The following CTNNA2 variants were observed in gnomAD, a reference collection of about 807,000 sequenced individuals.
The protein encoded by CTNNA2 is catenin alpha 2.
In CTNNA2, 42 loss-of-function variants were observed where a neutral mutation model predicts 101.0. The ratio of observed to expected loss-of-function variants is 0.42; its 90% CI spans 0.32 to 0.54. The LOEUF is 0.54. Ranked by LOEUF, CTNNA2 falls within the 20% of genes least tolerant of loss-of-function variation. The probability of loss-of-function intolerance (pLI) is 0.14; values close to 1 mark genes in which losing one functional copy is unlikely to be tolerated. For synonymous variants in CTNNA2, 450 were observed against 456.4 expected (o/e 0.99, Z 0.18); for missense variants, 871 against 1,223.1 (o/e 0.71, Z 4.29).
chr2:79,507,864 G>T (rs1671447920), intron 5 of CTNNA2, among the ~76,000 whole-genome samples: 1 of 152,098 alleles, frequency 6.6e-6, no homozygotes, highest in Admixed American at 6.5e-5. Context: ...GCACATTATT[G>T]TTTTCTGTGT....
intron 9 of CTNNA2, among the ~76,000 whole-genome samples, chr2:80,433,959 A>G (rs1681786079): frequency 6.6e-6 from 1 of 152,232 alleles, no homozygotes; most frequent in South Asian, 2.1e-4. Flanking sequence ...AGATGAAAAC[A>G]ATTCAACCTT....
chr2:79,533,194 A>G (rs1307847714), intron 1 of CTNNA2, among the ~76,000 whole-genome samples: 2 of 151,544 alleles, frequency 1.3e-5, no homozygotes, highest in Non-Finnish European at 2.9e-5. Context: ...TTTTTGTTAC[A>G]CCTTTTCTTA....
chr2:79,413,314 T>G (rs1425513941), intron 4 of CTNNA2, among the ~76,000 whole-genome samples: 1 of 152,050 alleles, frequency 6.6e-6, no homozygotes, highest in East Asian at 1.9e-4. Context: ...AGTATTTATC[T>G]TTTTGTGCCT....
intron 4 of CTNNA2, among the ~76,000 whole-genome samples, chr2:79,418,566 T>C (rs1051804204): frequency 5.9e-5 from 9 of 152,114 alleles, no homozygotes; most frequent in Admixed American, 1.3e-4. Context: ...ATGGTGTGAG[T>C]ATAAGCCCCA....
intron 1 of CTNNA2, among the ~76,000 whole-genome samples, chr2:79,533,539 C>A (rs1189091868): frequency 6.6e-6 from 1 of 151,998 alleles, no homozygotes; most frequent in African/African-American, 2.4e-5. Flanking sequence ...ATTTTATCAA[C>A]TAACTAGAGT....
At chr2:79,817,567 G>A (rs1008970386) in intron 3 of CTNNA2, among the ~76,000 whole-genome samples, 1 of 151,954 alleles carries the variant, frequency 6.6e-6, no homozygotes, top group Non-Finnish European at 1.5e-5. Flanking sequence ...CTCTGTCTGT[G>A]TTGGGTTTTC....
chr2:80,433,890 A>G (rs757504664), intron 9 of CTNNA2, among the ~76,000 whole-genome samples: 12 of 152,202 alleles, frequency 7.9e-5, no homozygotes, highest in African/African-American at 2.2e-4. Flanking sequence ...CTGATGTCCA[A>G]TGAATTCTCT....
intron 7 of CTNNA2, among the ~76,000 whole-genome samples, chr2:80,179,518 C>T (rs534171898): frequency 6.6e-6 from 1 of 152,224 alleles, no homozygotes; most frequent in African/African-American, 2.4e-5. Context: ...GGACTACAGG[C>T]ACCCGCCACC....
At chr2:79,307,434 T>C (rs1372854526) in intron 2 of CTNNA2, among the ~76,000 whole-genome samples, 1 of 152,192 alleles carries the variant, frequency 6.6e-6, no homozygotes, top group Non-Finnish European at 1.5e-5. Flanking sequence ...TTCTATGAGA[T>C]CAACTTTTTT....
At chr2:80,595,757 G>T (rs549220337) in intron 15 of CTNNA2, among the ~76,000 whole-genome samples, 2 of 152,208 alleles carry the variant, frequency 1.3e-5, no homozygotes, top group Admixed American at 1.3e-4. Flanking sequence ...TGCTGTTTTG[G>T]TTACTGTAGC....
At chr2:80,425,254 C>T (rs1053459665) in intron 9 of CTNNA2, among the ~76,000 whole-genome samples, 1 of 152,150 alleles carries the variant, frequency 6.6e-6, no homozygotes, top group Non-Finnish European at 1.5e-5. Flanking sequence ...TTGTAGGCTA[C>T]TCCGTCATGT....
intron 1 of CTNNA2, among the ~76,000 whole-genome samples, chr2:79,577,111 T>A (rs559732039): frequency 1.2e-4 from 19 of 152,230 alleles, no homozygotes; most frequent in African/African-American, 4.3e-4. Flanking sequence ...ACTTGCTTAA[T>A]TCATGTGTTT....
intron 3 of CTNNA2, among the ~76,000 whole-genome samples, chr2:79,755,244 T>C (rs1000306070): frequency 2.6e-5 from 4 of 152,218 alleles, no homozygotes; most frequent in Non-Finnish European, 5.9e-5. Flanking sequence ...GGCAGGAGGA[T>C]AGCTTGAGCC....
intron 1 of CTNNA2, among the ~76,000 whole-genome samples, chr2:79,550,213 G>C (rs1674009993): frequency 6.6e-6 from 1 of 152,204 alleles, no homozygotes; most frequent in African/African-American, 2.4e-5. Flanking sequence ...ATGATCTTCA[G>C]CTGATACCCT....
chr2:80,380,418 C>T lies in CTNNA2; in HGVS notation c.1057-12793C>T, dbSNP rs186064796. 3.4e-3 allele frequency among the ~76,000 whole-genome samples: 511 copies of T among 152,234 alleles called. 1 individual carries two copies. Among genetic ancestry groups the T allele is most frequent in the African/African-American group, 0.011 (474 of 41,550 alleles). On this transcript the variant is annotated intron_variant, in intron 7 of 18. Coordinates refer to ENST00000402739, the MANE Select transcript of CTNNA2 (RefSeq NM_001282597.3). ...GAACAACTGAGAAACTCTCAGCCTC[C>T]CGCAAGGGCTCTGAGGAGGCCTTGG...
At chr2:80,190,011 T>TA (rs1706387595) in intron 7 of CTNNA2, among the ~76,000 whole-genome samples, 2 of 136,084 alleles carry the variant, frequency 1.5e-5, no homozygotes, top group African/African-American at 6.8e-5. Context: ...GGGAAATCCA[T>TA]GAAAAAAAAA....
At chr2:79,982,346 A>T in intron 7 of CTNNA2, among the ~76,000 whole-genome samples, 1 of 109,222 alleles carries the variant, frequency 9.2e-6, no homozygotes, top group African/African-American at 3.7e-5. Flanking sequence ...AAACATATAT[A>T]ACCTATATAA....
intron 7 of CTNNA2, among the ~76,000 whole-genome samples, chr2:80,365,869 CAG>C (rs1257753377): frequency 6.6e-6 from 1 of 152,138 alleles, no homozygotes; most frequent in Non-Finnish European, 1.5e-5. Context: ...TTCAATGAAT[CAG>C]AGGAGAAGAG....
intron 6 of CTNNA2, among the ~76,000 whole-genome samples, chr2:79,877,127 A>G (rs780077119): frequency 2.8e-4 from 42 of 151,934 alleles, no homozygotes; most frequent in Non-Finnish European, 4.9e-4. Context: ...GAGGTAATAT[A>G]TTCTTATTAA....
Sources: gnomAD v4.1 joint callset for allele counts (sites outside exome capture counted in the v4.1 genomes callset) on GRCh38, gnomAD v4.1.1 for gene constraint, MANE v1.5 for transcripts, NCBI Gene and HGNC (gene_info 2026-07-23, HGNC 2026-07-21) for gene names.